The following DHX36 variants were observed in gnomAD, a reference collection of about 807,000 sequenced individuals.
DHX36 encodes the protein DEAH-box helicase 36.
A neutral mutation model predicts 139.0 loss-of-function variants in DHX36; 50 were observed. The ratio of observed to expected loss-of-function variants is 0.36; its 90% confidence interval spans 0.29 to 0.46. DHX36 has a LOEUF of 0.46. DHX36 is among the 20% of genes least tolerant of loss of function. The pLI is 1.00. For synonymous variants in DHX36, 425 were observed against 401.9 expected (o/e 1.06, Z -0.69); for missense variants, 1,024 against 1,211.3 (o/e 0.85, Z 2.29).
In DHX36 at chr3:154,296,345, G is replaced by A. The variant is rs976502693; in HGVS notation, c.1550-1006C>T. Among the ~76,000 whole-genome samples the A allele has an allele frequency of 2.0e-5, 3 of 152,052 alleles. No homozygotes were observed. In the East Asian group the frequency reaches 5.8e-4, roughly 29 times the overall value. On this transcript the variant is annotated intron_variant, in intron 12 of 24. Coordinates refer to ENST00000496811, the MANE Select transcript of DHX36 (RefSeq NM_020865.3). ...AAAACTTAGCTGGGCGTGTTGGCGG[G>A]CGCCTGTAGTCCCAGCTACCTGGGA...
At chr3:154,282,389 T>C (rs1359389686) in intron 20 of DHX36, among the ~76,000 whole-genome samples, 2 of 152,160 alleles carry the variant, frequency 1.3e-5, no homozygotes, top group Non-Finnish European at 2.9e-5. Context: ...TGATCTTCAA[T>C]TTGTTTTCTT....
chr3:154,300,467 T>C lies in DHX36; in HGVS notation c.1461+127A>G, dbSNP rs573512988. On this transcript the variant is annotated intron_variant, in intron 11 of 24. Transcript: ENST00000496811. ...AAATCTTTTGCTACTATGAGATGAT[T>C]TCTAGTATCAAAAGTAATTTCTTCC... 1.1e-5 allele frequency: 8 copies of C among 725,640 alleles called. No individual in the cohort carries two copies. In the East Asian group the frequency reaches 2.2e-4, roughly 20 times the overall value. The allele number at this position is 725,640 out of a possible 1,614,324, so 45.0% of individuals were successfully genotyped here.
chr3:154,306,183 T>C (rs755356531), intron 6 of DHX36, 33 bp downstream of exon 6: 4 of 1,478,478 alleles, frequency 2.7e-6, no homozygotes, highest in Non-Finnish European at 3.8e-6. Context: ...TTCACTAAAA[T>C]CTGCCTGTAT....
intron 13 of DHX36, 37 bp downstream of exon 13, chr3:154,295,247 T>C: frequency 1.5e-6 from 2 of 1,358,290 alleles, no homozygotes; most frequent in African/African-American, 1.5e-5. Context: ...TTGCCTCAGT[T>C]TGAAATACAT....
At chr3:154,300,565 T>C in intron 11 of DHX36, 29 bp downstream of exon 11, 1 of 1,550,558 alleles carries the variant, frequency 6.4e-7, no homozygotes, top group Non-Finnish European at 8.9e-7. Context: ...TAAAATTATG[T>C]TAACTGAAGA....
intron 20 of DHX36, among the ~76,000 whole-genome samples, chr3:154,282,926 T>C (rs1400005703): frequency 6.6e-6 from 1 of 152,206 alleles, no homozygotes; most frequent in Non-Finnish European, 1.5e-5. Context: ...GTTTGAATCA[T>C]CAAAATAGCA....
intron 1 of DHX36, among the ~76,000 whole-genome samples, chr3:154,320,682 T>C (rs892883863): frequency 2.6e-5 from 4 of 152,196 alleles, no homozygotes; most frequent in African/African-American, 7.2e-5. Flanking sequence ...GAGTCATCAT[T>C]AACACTGTAC....
At chr3:154,276,530 T>A in intron 24 of DHX36, 174 bp from the exon 25 acceptor site, 1 of 773,424 alleles carries the variant, frequency 1.3e-6, no homozygotes, top group Non-Finnish European at 2.0e-6. Flanking sequence ...TAAAGTGCAG[T>A]TAAAATTCAC....
At chr3:154,294,336 A>G (rs1711943648) in intron 13 of DHX36, among the ~76,000 whole-genome samples, 1 of 152,190 alleles carries the variant, frequency 6.6e-6, no homozygotes, top group Non-Finnish European at 1.5e-5. Flanking sequence ...CAACCCGACA[A>G]TGTCACTAAA....
At chr3:154,278,145 A>C (rs1719215830) in intron 22 of DHX36, among the ~76,000 whole-genome samples, 1 of 152,150 alleles carries the variant, frequency 6.6e-6, no homozygotes, top group South Asian at 2.1e-4. Flanking sequence ...TAATACTGAT[A>C]AACAGCCCTT....
intron 5 of DHX36, among the ~76,000 whole-genome samples, chr3:154,308,543 C>T (rs369784925): frequency 1.3e-5 from 2 of 152,092 alleles, no homozygotes; most frequent in East Asian, 3.9e-4. Flanking sequence ...TAACTAAAAA[C>T]GATGACGACA....
At chr3:154,287,317 A>G (rs1219499454) in intron 17 of DHX36, among the ~76,000 whole-genome samples, 1 of 152,198 alleles carries the variant, frequency 6.6e-6, no homozygotes, top group Non-Finnish European at 1.5e-5. Flanking sequence ...ATTAAAGTGT[A>G]AAAAGCAATA....
intron 8 of DHX36, 83 bp from the exon 9 acceptor site, chr3:154,303,493 T>C (rs1425296820): frequency 2.1e-6 from 2 of 932,776 alleles, no homozygotes; most frequent in Non-Finnish European, 1.6e-6. Context: ...ACAATGACTC[T>C]ATTACTTACT....
intron 5 of DHX36, among the ~76,000 whole-genome samples, chr3:154,309,315 A>C (rs1412279159): frequency 6.6e-6 from 1 of 152,208 alleles, no homozygotes; most frequent in Non-Finnish European, 1.5e-5. Flanking sequence ...AAAAAAGTTA[A>C]ATAAACCAAG....
chr3:154,274,536 G>A lies in DHX36; in HGVS notation c.*1635C>T, dbSNP rs895687966. On this transcript the variant is annotated 3_prime_UTR_variant, in exon 25 of 25. Transcript: ENST00000496811. Reference sequence around the variant, plus strand: ...TCAGTCTGAGTCCGTGTCTCCTTGTGATCATTAGTTGGCTGCAGCAGTTCC... The same window carrying A: ...TCAGTCTGAGTCCGTGTCTCCTTGTAATCATTAGTTGGCTGCAGCAGTTCC... 1 of 152,192 alleles carries A rather than the reference G, an allele frequency of 6.6e-6. No homozygotes were observed. The allele number at this position is 152,192 out of a possible 1,614,324, so 9.4% of individuals were successfully genotyped here.
rs752145518 is a variant in DHX36, at chr3:154,289,700, C to T, written c.1932+9G>A. On this transcript the variant is annotated intron_variant, in intron 16 of 24. Transcript: ENST00000496811. ...CCATTTAGTTTCTTCATTCTCCCAC[C>T]TAATTTACCTTTATTTGTAAACAAA... 2.0e-6 allele frequency: 3 copies of T among 1,495,462 alleles called. No individual in the cohort carries two copies. The highest frequency in any genetic ancestry group is 2.3e-5 in the East Asian group (1 of 44,194). The allele number at this position is 1,495,462 out of a possible 1,614,324, so 92.6% of individuals were successfully genotyped here.
At chr3:154,297,864 AAG>A (rs1358135647) in intron 12 of DHX36, among the ~76,000 whole-genome samples, 1 of 152,182 alleles carries the variant, frequency 6.6e-6, no homozygotes, top group Non-Finnish European at 1.5e-5. Context: ...CCATACAACT[AAG>A]AGAGTTAATG....
chr3:154,319,725 A>AAACCTGCT (rs1477325038), intron 1 of DHX36, among the ~76,000 whole-genome samples: 1 of 152,142 alleles, frequency 6.6e-6, no homozygotes, highest in Non-Finnish European at 1.5e-5. Flanking sequence ...GTAGAGAATC[A>AAACCTGCT]AACCTTGCTT....
At chr3:154,293,341 A>T (rs1177441658) in intron 14 of DHX36, among the ~76,000 whole-genome samples, 1 of 152,120 alleles carries the variant, frequency 6.6e-6, no homozygotes, top group Non-Finnish European at 1.5e-5. Context: ...GCACTTTGGG[A>T]GGTTGAGGTA....
Sources: gnomAD v4.1 joint callset for allele counts (sites outside exome capture counted in the v4.1 genomes callset) on GRCh38, gnomAD v4.1.1 for gene constraint, MANE v1.5 for transcripts, NCBI Gene and HGNC (gene_info 2026-07-23, HGNC 2026-07-21) for gene names.